Variants in KCNH7 observed in about 807,000 individuals in gnomAD.
KCNH7 encodes the protein voltage-gated inwardly rectifying potassium channel KCNH7.
Under a neutral mutation model 120.8 loss-of-function variants are expected in KCNH7, and 49 were observed. The observed-to-expected ratio is 0.41, with a 90% CI of 0.32 to 0.51. The LOEUF is 0.51. KCNH7 is among the 20% of genes least tolerant of loss of function. The pLI is 0.38. For synonymous variants in KCNH7, 547 were observed against 516.1 expected (o/e 1.06, Z -0.81); for missense variants, 1,097 against 1,446.6 (o/e 0.76, Z 3.92).
chr2:162,695,907 A>T (rs1686271042), intron 2 of KCNH7, among the ~76,000 whole-genome samples: 1 of 152,182 alleles, frequency 6.6e-6, no homozygotes. Context: ...TATATTTTGG[A>T]TCACTTCAAG....
At chr2:162,580,545 A>T (rs1693833149) in intron 2 of KCNH7, among the ~76,000 whole-genome samples, 1 of 152,052 alleles carries the variant, frequency 6.6e-6, no homozygotes, top group Non-Finnish European at 1.5e-5. Context: ...AGTCAATTTA[A>T]TTCACTTCAA....
intron 2 of KCNH7, among the ~76,000 whole-genome samples, chr2:162,622,832 G>A (rs916567886): frequency 5.3e-5 from 8 of 152,152 alleles, no homozygotes; most frequent in African/African-American, 1.9e-4. Context: ...AAGAGGTACT[G>A]TCATGAAATT....
intron 6 of KCNH7, among the ~76,000 whole-genome samples, chr2:162,485,903 T>C (rs1408504022): frequency 1.3e-5 from 2 of 152,202 alleles, no homozygotes; most frequent in Non-Finnish European, 2.9e-5. Flanking sequence ...ACATCCTTTT[T>C]TTCCCTTTTG....
chr2:162,716,614 T>G lies in KCNH7; in HGVS notation c.307+119923A>C, dbSNP rs552551096. ...ACAGTAAAGTGTTTTATATTATTAT[T>G]TATTAGGGCTTTCTCAATAAGTGAA... On this transcript the variant is annotated intron_variant, in intron 2 of 15. Transcript: ENST00000332142. Among the ~76,000 whole-genome samples, 32 of 152,266 alleles carry G rather than the reference T, an allele frequency of 2.1e-4. No individual in the cohort carries two copies. In the East Asian group the frequency reaches 5.8e-3, roughly 28 times the overall value.
At chr2:162,508,438 A>G (rs2105763038) in intron 5 of KCNH7, among the ~76,000 whole-genome samples, 1 of 151,482 alleles carries the variant, frequency 6.6e-6, no homozygotes, top group Admixed American at 6.6e-5. Flanking sequence ...TGTGCAAGCT[A>G]CTTAGATAAG....
intron 2 of KCNH7, among the ~76,000 whole-genome samples, chr2:162,826,617 G>A (rs1044774228): frequency 6.6e-6 from 1 of 152,092 alleles, no homozygotes; most frequent in African/African-American, 2.4e-5. Context: ...GCAGCAAAAT[G>A]ACAAACACAA....
chr2:162,714,522 G>C (rs1257290171), intron 2 of KCNH7, among the ~76,000 whole-genome samples: 3 of 152,186 alleles, frequency 2.0e-5, no homozygotes, highest in Admixed American at 2.0e-4. Context: ...TCTTAGAGAA[G>C]TGACTCAATA....
intron 14 of KCNH7, among the ~76,000 whole-genome samples, chr2:162,377,757 G>A (rs963322671): frequency 8.6e-5 from 13 of 152,002 alleles, no homozygotes; most frequent in Non-Finnish European, 1.8e-4. Context: ...TTTTGATTTT[G>A]ACTACTTTCA....
chr2:162,821,755 T>C (rs898180032), intron 2 of KCNH7, among the ~76,000 whole-genome samples: 4 of 152,304 alleles, frequency 2.6e-5, no homozygotes, highest in Admixed American at 1.3e-4. Flanking sequence ...TACATCTACA[T>C]ACTTTCTTCA....
intron 2 of KCNH7, among the ~76,000 whole-genome samples, chr2:162,654,469 T>G (rs1314848609): frequency 6.6e-6 from 1 of 151,476 alleles, no homozygotes; most frequent in Non-Finnish European, 1.5e-5. Context: ...CCTATTAAAA[T>G]GGTTTTTATA....
intron 6 of KCNH7, among the ~76,000 whole-genome samples, chr2:162,449,006 G>T (rs1054508287): frequency 1.3e-5 from 2 of 152,010 alleles, no homozygotes; most frequent in Admixed American, 6.6e-5. Flanking sequence ...AAAGGACACA[G>T]CTAAGGGATG....
intron 2 of KCNH7, among the ~76,000 whole-genome samples, chr2:162,755,694 A>T (rs1688764830): frequency 6.6e-6 from 1 of 152,148 alleles, no homozygotes; most frequent in Non-Finnish European, 1.5e-5. Flanking sequence ...TAACAATTTC[A>T]ATCCAATACA....
chr2:162,726,673 G>A (rs1420225170), intron 2 of KCNH7, among the ~76,000 whole-genome samples: 1 of 152,098 alleles, frequency 6.6e-6, no homozygotes, highest in Non-Finnish European at 1.5e-5. Flanking sequence ...GCCCACCTCG[G>A]CCTTGTCAAG....
chr2:162,820,122 T>C (rs893762332), intron 2 of KCNH7, among the ~76,000 whole-genome samples: 4 of 142,746 alleles, frequency 2.8e-5, no homozygotes, highest in African/African-American at 8.1e-5. Flanking sequence ...TCACTGCAAA[T>C]TCCGCCTCCT....
intron 9 of KCNH7, among the ~76,000 whole-genome samples, chr2:162,421,473 T>C (rs187689857): frequency 1.3e-5 from 2 of 152,302 alleles, no homozygotes; most frequent in Admixed American, 6.5e-5. Context: ...CTTCCCCAGT[T>C]TCTTGCTTTG....
chr2:162,373,728 A>C (rs1478714846), intron 14 of KCNH7, 66 bp from the exon 15 acceptor site: 1 of 1,185,130 alleles, frequency 8.4e-7, no homozygotes, highest in African/African-American at 1.6e-5. Flanking sequence ...AGCATTTAAA[A>C]AAATTTCAGC....
chr2:162,631,700 CTG>C (rs1683773352), intron 2 of KCNH7, among the ~76,000 whole-genome samples: 1 of 151,862 alleles, frequency 6.6e-6, no homozygotes, highest in Admixed American at 6.6e-5. Flanking sequence ...TAAAAAGTAA[CTG>C]TGAGAAACAA....
intron 2 of KCNH7, among the ~76,000 whole-genome samples, chr2:162,659,544 A>G (rs1246551093): frequency 1.3e-5 from 2 of 151,766 alleles, no homozygotes; most frequent in African/African-American, 4.8e-5. Context: ...GTTTCACTGT[A>G]TTGGCCAGGC....
At position 162,491,697 on chromosome 2, in the gene KCNH7, G is replaced by A. The variant is rs145214345; in HGVS notation, c.1128+12746C>T. Among the ~76,000 whole-genome samples the A allele has an allele frequency of 3.9e-5, 6 of 152,222 alleles. No individual in the cohort carries two copies. The East Asian group carries it at 5.8e-4, about 15-fold the overall frequency. ...CACCCTGCCGAGGTTGCCAGGACTCGGGGATATAAGGACAGAAGAAAGAAT... is the reference window on the plus strand; with the variant it reads ...CACCCTGCCGAGGTTGCCAGGACTCAGGGATATAAGGACAGAAGAAAGAAT... On this transcript the variant is annotated intron_variant, in intron 6 of 15. Transcript: ENST00000332142.
Sources: gnomAD v4.1 joint callset for allele counts (sites outside exome capture counted in the v4.1 genomes callset) on GRCh38, gnomAD v4.1.1 for gene constraint, MANE v1.5 for transcripts, NCBI Gene and HGNC (gene_info 2026-07-23, HGNC 2026-07-21) for gene names.